SLC44A5: variants seen among roughly 807,000 people sequenced by gnomAD.
SLC44A5 encodes the protein solute carrier family 44 member 5, also known as choline transporter-like protein 5.
SLC44A5 carries 57 observed loss-of-function variants against 101.8 expected under a neutral mutation model. That is an observed-to-expected ratio of 0.56 (90% CI 0.45 to 0.70). The LOEUF (loss-of-function observed/expected upper bound fraction) is 0.70. Among genes scored for constraint, SLC44A5 ranks in the 30% least tolerant of loss-of-function variants. SLC44A5 has a pLI of 0.00. For synonymous variants in SLC44A5, 281 were observed against 290.9 expected, an observed-to-expected ratio of 0.97 and a Z score of 0.35; for missense variants, 737 against 853.1, an observed-to-expected ratio of 0.86 and a Z score of 1.70.
At chr1:75,262,023 C>T (rs562268160) in intron 6 of SLC44A5, among the ~76,000 whole-genome samples, 1 of 152,248 alleles carries the variant, frequency 6.6e-6, no homozygotes, top group South Asian at 2.1e-4. Flanking sequence ...GACAAACCCA[C>T]AGCCAGTATC....
chr1:75,650,932 A>C, the SLC44A5 span, among the ~76,000 whole-genome samples: 1 of 152,232 alleles, frequency 6.6e-6, no homozygotes, highest in South Asian at 2.1e-4. Context: ...ACAAATTCAA[A>C]ATAATAAAAC....
At chr1:75,327,134 A>G (rs1656665728) in intron 4 of SLC44A5, among the ~76,000 whole-genome samples, 1 of 152,066 alleles carries the variant, frequency 6.6e-6, no homozygotes, top group African/African-American at 2.4e-5. Flanking sequence ...ATGAATAAAC[A>G]ACAAATTACC....
At chr1:75,577,722 T>G (rs1395592618) in intron 1 of SLC44A5, among the ~76,000 whole-genome samples, 2 of 152,194 alleles carry the variant, frequency 1.3e-5, no homozygotes, top group Non-Finnish European at 2.9e-5. Context: ...AAATATAAAT[T>G]CTCTGAGAGC....
At chr1:75,238,412 A>ATG (rs1648313199) in intron 10 of SLC44A5, 101 bp downstream of exon 10, 5 of 334,102 alleles carry the variant, frequency 1.5e-5, no homozygotes, top group East Asian at 8.0e-5. Flanking sequence ...ATATATATAT[A>ATG]TGTGATTATT....
intron 2 of SLC44A5, among the ~76,000 whole-genome samples, chr1:75,452,532 T>C (rs1027447113): frequency 5.3e-5 from 8 of 151,998 alleles, no homozygotes; most frequent in Non-Finnish European, 1.2e-4. Flanking sequence ...CATAATAGGA[T>C]CAAAACCTCA....
At chr1:75,479,157 T>C (rs1460424526) in intron 2 of SLC44A5, among the ~76,000 whole-genome samples, 2 of 152,110 alleles carry the variant, frequency 1.3e-5, no homozygotes, top group East Asian at 3.9e-4. Context: ...GACTACTGGG[T>C]ACATAACGAA....
intron 3 of SLC44A5, among the ~76,000 whole-genome samples, chr1:75,347,166 T>G (rs565825819): frequency 6.6e-6 from 1 of 152,262 alleles, no homozygotes; most frequent in Admixed American, 6.5e-5. Context: ...CAGCAAGAGT[T>G]TGTCAGTTTA....
At chr1:75,716,897 C>T in the SLC44A5 span, among the ~76,000 whole-genome samples, 3 of 151,466 alleles carry the variant, frequency 2.0e-5, no homozygotes, top group East Asian at 1.9e-4. Context: ...AGCTGGGCGT[C>T]GTGGCATGTG....
chr1:75,479,300 G>A (rs1667660145), intron 2 of SLC44A5, among the ~76,000 whole-genome samples: 1 of 152,172 alleles, frequency 6.6e-6, no homozygotes, highest in Non-Finnish European at 1.5e-5. Flanking sequence ...GAGAAAGCAG[G>A]AAAGATCTAA....
intron 3 of SLC44A5, among the ~76,000 whole-genome samples, chr1:75,366,105 C>G (rs1305676960): frequency 1.3e-5 from 2 of 152,106 alleles, no homozygotes; most frequent in Non-Finnish European, 2.9e-5. Context: ...TTAGAATATT[C>G]TGAATTTGCC....
intron 4 of SLC44A5, among the ~76,000 whole-genome samples, chr1:75,327,309 G>A (rs1656676592): frequency 6.6e-6 from 1 of 152,160 alleles, no homozygotes; most frequent in South Asian, 2.1e-4. Context: ...TGATGTCTAT[G>A]CTGGTAAATC....
intron 3 of SLC44A5, among the ~76,000 whole-genome samples, chr1:75,341,972 T>A (rs1249591049): frequency 1.3e-5 from 2 of 152,194 alleles, no homozygotes; most frequent in Non-Finnish European, 2.9e-5. Flanking sequence ...CACAGACAGA[T>A]TTGGGAACCA....
intron 2 of SLC44A5, among the ~76,000 whole-genome samples, chr1:75,446,929 A>G (rs966873641): frequency 5.3e-5 from 8 of 152,206 alleles, no homozygotes; most frequent in African/African-American, 1.9e-4. Context: ...AGAGATCACT[A>G]TTTAGATGCA....
intron 2 of SLC44A5, among the ~76,000 whole-genome samples, chr1:75,524,443 A>T (rs903179760): frequency 3.3e-5 from 5 of 152,136 alleles, no homozygotes; most frequent in African/African-American, 1.2e-4. Flanking sequence ...GCACCCAAAA[A>T]TTTTCATAAG....
At chr1:75,527,093 C>T (rs12122586) in intron 2 of SLC44A5, among the ~76,000 whole-genome samples, 5,540 of 150,162 alleles carry the variant, frequency 0.037, 131 homozygotes, top group Middle Eastern at 0.069. Context: ...CGAGATTGCA[C>T]CACTGCACTC....
intron 12 of SLC44A5, among the ~76,000 whole-genome samples, chr1:75,232,084 C>T (rs1647624748): frequency 6.7e-6 from 1 of 150,342 alleles, no homozygotes; most frequent in South Asian, 2.1e-4. Flanking sequence ...TGACACTCCT[C>T]AACCTAACTG....
rs1184146402 is a variant in SLC44A5, at chr1:75,378,974, C to G, written c.52+17609G>C. Among the ~76,000 whole-genome samples the G allele has an allele frequency of 2.5e-5, 2 of 80,568 alleles. 1 individual carries two copies. The highest frequency in any genetic ancestry group is 1.7e-4 in the African/African-American group (2 of 11,650). 52.9% of individuals were successfully genotyped at this position (80,568 alleles called of 152,430 possible). ...TAATCCTATGGCACCACCTAGTAGA[C>G]AGGGTAGTGAATTACATGAAATTAT... On this transcript the variant is annotated intron_variant, in intron 3 of 23. Coordinates refer to ENST00000370859, the MANE Select transcript of SLC44A5 (RefSeq NM_001130058.2).
At chr1:75,395,800 G>T (rs1008632552) in intron 3 of SLC44A5, among the ~76,000 whole-genome samples, 1 of 152,066 alleles carries the variant, frequency 6.6e-6, no homozygotes, top group African/African-American at 2.4e-5. Flanking sequence ...TAATAATAAT[G>T]TATTGCATAT....
chr1:75,690,248 C>T, the SLC44A5 span, among the ~76,000 whole-genome samples: 1 of 152,152 alleles, frequency 6.6e-6, no homozygotes, highest in East Asian at 1.9e-4. Flanking sequence ...CAAGGCATGT[C>T]TTACATGGTG....
Sources: gnomAD v4.1 joint callset for allele counts (sites outside exome capture counted in the v4.1 genomes callset) on GRCh38, gnomAD v4.1.1 for gene constraint, MANE v1.5 for transcripts, NCBI Gene and HGNC (gene_info 2026-07-23, HGNC 2026-07-21) for gene names.